Variants in TOP2A observed in about 807,000 individuals in gnomAD.
The protein encoded by TOP2A is DNA topoisomerase II alpha.
A neutral mutation model predicts 187.2 loss-of-function variants in TOP2A; 68 were observed. The ratio of observed to expected loss-of-function variants is 0.36; its 90% confidence interval spans 0.30 to 0.44. The LOEUF is 0.44. Among genes scored for constraint, TOP2A ranks in the 20% least tolerant of loss-of-function variants. The pLI is 1.00. For synonymous variants in TOP2A, 542 were observed against 593.2 expected (o/e 0.91, Z 1.25); for missense variants, 1,196 against 1,808.7 (o/e 0.66, Z 6.14).
Position 40,411,805 on chromosome 17 carries a change from C to A in TOP2A, c.803G>T (p.Arg268Leu), listed in dbSNP as rs768511753. The change falls in exon 8 of 35, where the codon CGT (arginine) becomes CTT (leucine). Residue 268 changes from arginine (R) to leucine (L), a missense_variant. Physicochemically the swap from Arg to Leu is moderately radical, Grantham distance 102. Around this residue, in one of 10 missense-constraint regions of TOP2A, gnomAD observed 252 missense variants for 434.8 expected, o/e 0.58. Coordinates refer to ENST00000423485, the MANE Select transcript of TOP2A (RefSeq NM_001067.4). This position sits in a 1 kb window ranked among gnomAD's most constrained non-coding sequence, Gnocchi z 4.4. ...CTTCAAATACATGTCCACATAACTA[C>A]GAAATCCTTTTACCTGTACAGGAAT... is the stretch of plus-strand genomic sequence containing the variant. The part of the protein sequence containing the change: ...NGNKLPVKGF[R>L]SYVDMYLKDK... 1 of 1,590,662 alleles carries A rather than the reference C, an allele frequency of 6.3e-7. No individual in the cohort carries two copies. Among genetic ancestry groups the A allele is most frequent in the Non-Finnish European group, 8.5e-7 (1 of 1,172,804 alleles).
rs1328426332 is a variant in TOP2A at position 40,400,601 on chromosome 17, A to G, written c.2727T>C (p.Ile909=). Residue 909 remains isoleucine, a synonymous_variant, in exon 22 of 35, where the codon ATT becomes ATC. Coordinates refer to ENST00000423485, the MANE Select transcript of TOP2A (RefSeq NM_001067.4). ...IEELAPNQYV[I]SGEVAILNST... is the part of the protein sequence containing the mutation. ...AATTAAGAATAGCTACTTCACCACT[A>G]ATCACATATTGATTTGGAGCCAGTT... is the stretch of plus-strand genomic sequence containing the variant. The G allele has an allele frequency of 1.2e-6, 2 of 1,611,056 alleles. No homozygotes were observed. The highest frequency in any genetic ancestry group is 1.7e-6 in the Non-Finnish European group (2 of 1,178,864).
In TOP2A at chr17:40,413,185, A is replaced by G. The variant is rs994295229; in HGVS notation, c.576+10T>C. 3 of 1,540,834 alleles carry G rather than the reference A, an allele frequency of 1.9e-6. No individual in the cohort carries two copies. Among genetic ancestry groups the G allele is most frequent in the Middle Eastern group, 1.7e-4 (1 of 5,768 alleles). ...TTTATCATTAAGGTACAAGACACTT[A>G]TTTACTTGCCTGTTTGAACATTTTC... On this transcript the variant is annotated intron_variant, in intron 6 of 34. Coordinates refer to ENST00000423485, the MANE Select transcript of TOP2A (RefSeq NM_001067.4).
chr17:40,398,888 T>G lies in TOP2A; in HGVS notation c.3338A>C (p.Glu1113Ala). The G allele has an allele frequency of 6.2e-7, 1 of 1,613,536 alleles. No homozygotes were observed. Among genetic ancestry groups the G allele is most frequent in the South Asian group, 1.1e-5 (1 of 90,904 alleles). ...AGAATCTGTTACGGAGTCACTCTTTTCAGTTTCCTTTTCGTTGTCACTCTC... is the reference window on the plus strand; with the variant it reads ...AGAATCTGTTACGGAGTCACTCTTTGCAGTTTCCTTTTCGTTGTCACTCTC... The part of the protein sequence containing the change: ...NEESDNEKET[E>A]KSDSVTDSGP... Residue 1113 changes from glutamate (E) to alanine (A), a missense_variant, in exon 26 of 35, where the codon GAA (glutamate) becomes GCA (alanine). Around this residue, in one of 10 missense-constraint regions of TOP2A, gnomAD observed 232 missense variants for 306.1 expected, o/e 0.76. Coordinates refer to ENST00000423485, the MANE Select transcript of TOP2A (RefSeq NM_001067.4).
chr17:40,392,847 C>T (rs2035042803), intron 29 of TOP2A, 110 bp from the exon 30 acceptor site: 1 of 908,888 alleles, frequency 1.1e-6, no homozygotes, highest in South Asian at 1.8e-5. Context: ...TCTGAGAATA[C>T]AATCGTGAAA....
chr17:40,412,902 A>G lies in TOP2A; in HGVS notation c.646T>C (p.Cys216Arg), dbSNP rs762199370. The G allele has an allele frequency of 4.3e-6, 7 of 1,613,824 alleles. No individual in the cohort carries two copies. In the African/African-American group the frequency reaches 6.7e-5, roughly 15 times the overall value. ...GACAAATCAGGCTGAAAGGTGATAC[A>G]TGTATAATCTTCTCCATTGAAGGGC... ...LKPFNGEDYT[C>R]ITFQPDLSKF... is the part of the protein sequence containing the mutation. Residue 216 changes from cysteine to arginine, a missense_variant, in exon 7 of 35, where the codon TGT (cysteine) becomes CGT (arginine). Physicochemically the swap from Cys to Arg is radical, Grantham distance 180. Around this residue, in one of 10 missense-constraint regions of TOP2A, gnomAD observed 252 missense variants for 434.8 expected, o/e 0.58. Transcript: ENST00000423485.
At chr17:40,407,864 G>A in intron 12 of TOP2A, 103 bp downstream of exon 12, 2 of 1,337,280 alleles carry the variant, frequency 1.5e-6, no homozygotes, top group Non-Finnish European at 2.0e-6. Context: ...AGCACAAATT[G>A]TCTAAAATAT....
chr17:40,412,599 G>A (rs1353848809), intron 7 of TOP2A, among the ~76,000 whole-genome samples, 160 bp downstream of exon 7: 1 of 152,176 alleles, frequency 6.6e-6, no homozygotes, highest in African/African-American at 2.4e-5. Context: ...AGCCGAGATC[G>A]TGCCACTGCA....
In TOP2A at chr17:40,412,839, C is replaced by G; in HGVS notation, c.709G>C (p.Ala237Pro). 6.2e-7 allele frequency: 1 copy of G among 1,613,930 alleles called. No individual in the cohort carries two copies. ...TCATATGCTCTTCTGACCATTAGTGCAACAATATCTTTGTCCAGGCTTTGC... is the reference window on the plus strand; with the variant it reads ...TCATATGCTCTTCTGACCATTAGTGGAACAATATCTTTGTCCAGGCTTTGC... ...KMQSLDKDIV[A>P]LMVRRAYDIA... The change falls in exon 7 of 35, where the codon GCA becomes CCA. Residue 237 changes from alanine (A) to proline (P), a missense_variant. Ala to Pro is a conservative substitution (Grantham distance 27, BLOSUM62 -1). Transcript: ENST00000423485.
At chr17:40,413,858 C>G (rs1012708146) in intron 4 of TOP2A, among the ~76,000 whole-genome samples, 1 of 152,048 alleles carries the variant, frequency 6.6e-6, no homozygotes, top group African/African-American at 2.4e-5. Context: ...ATTAGCCAGG[C>G]ATGGTAGCGC....
chr17:40,416,343 A>C, intron 3 of TOP2A, 79 bp downstream of exon 3: 1 of 1,053,616 alleles, frequency 9.5e-7, no homozygotes, highest in East Asian at 2.6e-5. Flanking sequence ...TTTTACTTTT[A>C]TCTTTTTTAA....
rs755803082 is a variant in TOP2A at position 40,392,564 on chromosome 17, A to G, written c.3964+21T>C. 4 of 1,600,298 alleles carry G rather than the reference A, an allele frequency of 2.5e-6. No homozygotes were observed. In the African/African-American group the frequency reaches 4.1e-5, roughly 16 times the overall value. ...ATTCCACTCTTACAGTTTATCTATAATGTTCTTTAGTTTTCCTTACTTGCT... is the reference window on the plus strand; with the variant it reads ...ATTCCACTCTTACAGTTTATCTATAGTGTTCTTTAGTTTTCCTTACTTGCT... On this transcript the variant is annotated intron_variant, in intron 30 of 34. Coordinates refer to ENST00000423485, the MANE Select transcript of TOP2A (RefSeq NM_001067.4).
At chr17:40,412,258 A>T (rs1454115576) in intron 7 of TOP2A, among the ~76,000 whole-genome samples, 2 of 152,236 alleles carry the variant, frequency 1.3e-5, no homozygotes, top group African/African-American at 4.8e-5. Context: ...TTTCTTTGAG[A>T]AAGAAATTCC....
Position 40,417,757 on chromosome 17 carries a change from C to A in TOP2A, c.21+14G>T, listed in dbSNP as rs374230944. On this transcript the variant is annotated intron_variant, in intron 1 of 34. Transcript: ENST00000423485. Reference sequence around the variant, plus strand: ...CGCGGAGGCTCCACCGCCAGTCCCCCCCGCGAGCCGTACCTGCAATGGTGA... The same window carrying A: ...CGCGGAGGCTCCACCGCCAGTCCCCACCGCGAGCCGTACCTGCAATGGTGA... The A allele has an allele frequency of 9.7e-5, 156 of 1,612,988 alleles. 1 individual carries two copies. The African/African-American group carries it at 1.1e-3, about 12-fold the overall frequency.
chr17:40,410,748 T>C (rs990787823), intron 10 of TOP2A: 11 of 426,020 alleles, frequency 2.6e-5, no homozygotes, highest in Non-Finnish European at 5.0e-5. Flanking sequence ...GTTTTTTTGT[T>C]GGAGAGTGGG....
At chr17:40,406,312 T>G in intron 16 of TOP2A, 72 bp downstream of exon 16, 5 of 1,106,574 alleles carry the variant, frequency 4.5e-6, no homozygotes, top group Non-Finnish European at 6.4e-6. Flanking sequence ...TATACAAAAA[T>G]GTAAATGTTT....
At chr17:40,401,600 A>C (rs2035180939) in intron 20 of TOP2A, among the ~76,000 whole-genome samples, 1 of 151,850 alleles carries the variant, frequency 6.6e-6, no homozygotes, top group South Asian at 2.1e-4. Flanking sequence ...TCCCAGCAAC[A>C]CGGGAGGCTG....
chr17:40,412,931 A>T lies in TOP2A; in HGVS notation c.617T>A (p.Leu206His), dbSNP rs1303551135. The change falls in exon 7 of 35, where the codon CTC becomes CAC. Residue 206 changes from leucine (L) to histidine (H), a missense_variant. Leu to His is a moderately conservative substitution (Grantham distance 99, BLOSUM62 -3). This residue lies in a region of TOP2A where 252 missense variants were observed against 434.8 expected (regional missense o/e 0.58). Coordinates refer to ENST00000423485, the MANE Select transcript of TOP2A (RefSeq NM_001067.4). ...DNMGRAGEME[L>H]KPFNGEDYTC... The stretch of plus-strand genomic sequence containing the variant: ...ATAATCTTCTCCATTGAAGGGCTTG[A>T]GTTCCATCTCACCAGCTCTTCCCAT... 1 of 1,613,748 alleles carries T rather than the reference A, an allele frequency of 6.2e-7. No homozygotes were observed. The highest frequency in any genetic ancestry group is 1.1e-5 in the South Asian group (1 of 91,034).
chr17:40,392,335 G>GT lies in TOP2A; in HGVS notation c.3970dup (p.Thr1324AsnfsTer11), dbSNP rs2035034468. 1 of 1,583,334 alleles carries GT rather than the reference G, an allele frequency of 6.3e-7. No homozygotes were observed. Among genetic ancestry groups the GT allele is most frequent in the East Asian group, 2.3e-5 (1 of 44,046 alleles). On this transcript the variant is annotated frameshift_variant, in exon 31 of 35. Transcript: ENST00000423485. LOFTEE classifies it high-confidence loss of function. Reference sequence around the variant, plus strand: ...TGAATCCAAATCCATTGTGAATTTTGTTTTTGCTAGTAAAAAAACCATATA... The same window carrying GT: ...TGAATCCAAATCCATTGTGAATTTTGTTTTTTGCTAGTAAAAAAACCATATA...
chr17:40,417,417 C>T (rs1350145664), intron 1 of TOP2A, among the ~76,000 whole-genome samples: 6 of 152,046 alleles, frequency 3.9e-5, no homozygotes, highest in South Asian at 4.1e-4. Context: ...AGATCGGGGA[C>T]ATTCAAGACC....
Sources: gnomAD v4.1 joint callset for allele counts (sites outside exome capture counted in the v4.1 genomes callset) on GRCh38, gnomAD v4.1.1 for gene constraint, gnomAD v4.1.1 regional missense constraint, Gnocchi (gnomAD v3.1) non-coding constraint, MANE v1.5 for transcripts, NCBI Gene and HGNC (gene_info 2026-07-23, HGNC 2026-07-21) for gene names.